The following CCDC33 variants were observed in gnomAD, a reference collection of about 807,000 sequenced individuals.
The protein encoded by CCDC33 is coiled-coil domain containing 33, also known as coiled-coil domain-containing protein 33.
A neutral mutation model predicts 91.9 loss-of-function variants in CCDC33; 94 were observed. The observed-to-expected ratio is 1.02, with a 90% confidence interval of 0.87 to 1.21. CCDC33 has a LOEUF of 1.21. Ranked by LOEUF, CCDC33 falls within the 50% of genes most tolerant of loss-of-function variation. The pLI is 0.00. For missense variants in CCDC33, 940 were observed against 935.5 expected, an observed-to-expected ratio of 1.00 and a Z score of -0.06; for synonymous variants, 396 against 374.5, an observed-to-expected ratio of 1.06 and a Z score of -0.66.
intron 1 of CCDC33, among the ~76,000 whole-genome samples, chr15:74,205,498 C>T (rs1424750068): frequency 2.0e-5 from 3 of 152,196 alleles, no homozygotes; most frequent in African/African-American, 7.2e-5. Context: ...AGAACTCACT[C>T]ATTACCACAG....
Position 74,268,480 on chromosome 15 carries a change from G to C in CCDC33, c.546+22G>C, listed in dbSNP as rs2076228697. The C allele has an allele frequency of 1.9e-6, 3 of 1,539,288 alleles. No homozygotes were observed. The South Asian group carries it at 3.4e-5, about 17-fold the overall frequency. On this transcript the variant is annotated intron_variant, in intron 5 of 18. Transcript: ENST00000398814. ...GGAGGTACCAGGGCTGGGGCCCTCT[G>C]GGGTGGTGGTGGGGGTGGGAAAGGG...
chr15:74,254,599 C>A (rs545725872), intron 2 of CCDC33, among the ~76,000 whole-genome samples: 3 of 152,146 alleles, frequency 2.0e-5, no homozygotes, highest in African/African-American at 7.2e-5. Flanking sequence ...CCCCTTCTTT[C>A]CTCGCCTCCA....
rs530557081 is a variant in CCDC33 at position 74,208,907 on chromosome 15, G to A, written n.90-481G>A. The A allele has an allele frequency of 4.1e-3, 4,105 of 990,004 alleles. 9 individuals carry two copies. The highest frequency in any genetic ancestry group is 4.7e-3 in the Non-Finnish European group (3,916 of 833,358). 61.3% of individuals were successfully genotyped at this position (990,004 alleles called of 1,614,324 possible). The stretch of plus-strand genomic sequence containing the variant: ...CAGGCAAGCAGGGTGCTCCCAACAC[G>A]GGGCCTTCTCCTCTGAGCCCAGCAC... On this transcript the variant is annotated intron_variant and non_coding_transcript_variant, in intron 1 of 3. Transcript: ENST00000558645.
chr15:74,248,566 G>GT (rs2075608696), intron 2 of CCDC33, among the ~76,000 whole-genome samples: 3 of 152,254 alleles, frequency 2.0e-5, no homozygotes, highest in Middle Eastern at 3.4e-3. Context: ...TCGGGGCAGG[G>GT]GAAGTAGTGA....
intron 1 of CCDC33, among the ~76,000 whole-genome samples, chr15:74,239,819 CTG>C (rs2075289277): frequency 1.9e-5 from 1 of 52,212 alleles, no homozygotes; most frequent in South Asian, 9.3e-4. Context: ...TTTGTGCAAA[CTG>C]AGAGTTACGG....
chr15:74,304,949 C>T (rs1030790622), intron 11 of CCDC33, among the ~76,000 whole-genome samples: 1 of 146,760 alleles, frequency 6.8e-6, no homozygotes, highest in African/African-American at 2.5e-5. Flanking sequence ...TCTTCTTCTT[C>T]TTTTTTTTTT....
intron 2 of CCDC33, among the ~76,000 whole-genome samples, chr15:74,220,888 G>A (rs182457634): frequency 2.6e-5 from 4 of 152,302 alleles, no homozygotes; most frequent in Non-Finnish European, 5.9e-5. Context: ...CAGATAACTT[G>A]CTCTAGCAGT....
At chr15:74,308,812 C>G (rs1211230986) in intron 11 of CCDC33, among the ~76,000 whole-genome samples, 1 of 152,182 alleles carries the variant, frequency 6.6e-6, no homozygotes, top group Non-Finnish European at 1.5e-5. Flanking sequence ...CCAGGAAGAG[C>G]AATGACAGCT....
At chr15:74,271,464 C>T (rs1460357360) in intron 5 of CCDC33, among the ~76,000 whole-genome samples, 1 of 152,138 alleles carries the variant, frequency 6.6e-6, no homozygotes, top group African/African-American at 2.4e-5. Context: ...ATTGGTAAAT[C>T]CCAGGACAGA....
intron 11 of CCDC33, among the ~76,000 whole-genome samples, chr15:74,310,363 C>T (rs184780240): frequency 6.6e-6 from 1 of 151,874 alleles, no homozygotes; most frequent in Non-Finnish European, 1.5e-5. Context: ...ATGGTGAAAC[C>T]CCGTTTCTAC....
chr15:74,329,457 T>G (rs2060380535), intron 11 of CCDC33, among the ~76,000 whole-genome samples: 1 of 152,212 alleles, frequency 6.6e-6, no homozygotes, highest in African/African-American at 2.4e-5. Flanking sequence ...ATAGTACCTA[T>G]CCACGCAGGT....
intron 2 of CCDC33, among the ~76,000 whole-genome samples, chr15:74,222,499 C>T (rs1045450768): frequency 6.6e-6 from 1 of 151,386 alleles, no homozygotes; most frequent in Non-Finnish European, 1.5e-5. Flanking sequence ...TTTTAAATGA[C>T]ACTTTCAAGG....
At chr15:74,296,696 G>A (rs559228469) in intron 11 of CCDC33, among the ~76,000 whole-genome samples, 1 of 152,318 alleles carries the variant, frequency 6.6e-6, no homozygotes, top group East Asian at 1.9e-4. Flanking sequence ...CTTGATCATG[G>A]GAGCTGCTGT....
intron 10 of CCDC33, among the ~76,000 whole-genome samples, chr15:74,282,976 A>G (rs1388573357): frequency 1.3e-5 from 2 of 152,194 alleles, no homozygotes; most frequent in Non-Finnish European, 2.9e-5. Flanking sequence ...CTTCCCACGC[A>G]GGAAAAATAT....
chr15:74,251,635 G>A (rs777885295), intron 2 of CCDC33, among the ~76,000 whole-genome samples: 1 of 152,176 alleles, frequency 6.6e-6, no homozygotes, highest in Non-Finnish European at 1.5e-5. Context: ...CACAGGGGAG[G>A]TGGCACAGAT....
chr15:74,222,372 C>A (rs372689897), intron 2 of CCDC33, among the ~76,000 whole-genome samples: 2 of 151,246 alleles, frequency 1.3e-5, no homozygotes, highest in African/African-American at 4.9e-5. Context: ...CCCTCCCACA[C>A]AGCTCTGAGC....
chr15:74,309,612 CT>C (rs150766449), intron 11 of CCDC33, among the ~76,000 whole-genome samples: 1,852 of 152,226 alleles, frequency 0.012, 38 homozygotes, highest in African/African-American at 0.042. Context: ...CTTCTGGCGC[CT>C]TTTTTTCCTA....
At chr15:74,283,570 C>G (rs1307494369) in intron 10 of CCDC33, among the ~76,000 whole-genome samples, 1 of 152,216 alleles carries the variant, frequency 6.6e-6, no homozygotes, top group Non-Finnish European at 1.5e-5. Flanking sequence ...AATTATCCCT[C>G]CAAGTCATGC....
At chr15:74,272,276 C>T (rs1477961232) in intron 6 of CCDC33, among the ~76,000 whole-genome samples, 1 of 152,208 alleles carries the variant, frequency 6.6e-6, no homozygotes, top group East Asian at 1.9e-4. Flanking sequence ...GCCTTTAGCC[C>T]TGCCGGGCGG....
Sources: gnomAD v4.1 joint callset for allele counts (sites outside exome capture counted in the v4.1 genomes callset) on GRCh38, gnomAD v4.1.1 for gene constraint, MANE v1.5 for transcripts, NCBI Gene and HGNC (gene_info 2026-07-23, HGNC 2026-07-21) for gene names.